GPC6: variants seen among roughly 807,000 people sequenced by gnomAD.
GPC6 encodes glypican 6.
GPC6 carries 14 observed loss-of-function variants against 55.2 expected under a neutral mutation model. The ratio of observed to expected loss-of-function variants is 0.25; its 90% CI spans 0.17 to 0.40. The LOEUF (loss-of-function observed/expected upper bound fraction) is 0.40. Ranked by LOEUF, GPC6 falls within the 10% of genes least tolerant of loss-of-function variation. The pLI is 1.00. For synonymous variants in GPC6, 278 were observed against 259.6 expected, an observed-to-expected ratio of 1.07 and a Z score of -0.68; for missense variants, 641 against 708.5, an observed-to-expected ratio of 0.90 and a Z score of 1.08.
chr13:93,570,316 T>C (rs1379042496), intron 2 of GPC6, among the ~76,000 whole-genome samples: 1 of 152,204 alleles, frequency 6.6e-6, no homozygotes, highest in East Asian at 1.9e-4. Context: ...TGGGTTGAAT[T>C]TAATTACTTA....
chr13:94,348,653 G>T (rs1031436914), intron 6 of GPC6, among the ~76,000 whole-genome samples: 3 of 152,158 alleles, frequency 2.0e-5, no homozygotes, highest in African/African-American at 4.8e-5. Flanking sequence ...AAGTGGTCTA[G>T]GATGGGGCTT....
intron 2 of GPC6, among the ~76,000 whole-genome samples, chr13:93,746,982 G>T (rs1005091774): frequency 6.6e-6 from 1 of 152,148 alleles, no homozygotes; most frequent in Non-Finnish European, 1.5e-5. Context: ...ATGTTCAAAG[G>T]CTTTTAATAA....
intron 1 of GPC6, among the ~76,000 whole-genome samples, chr13:93,250,766 C>T (rs558088475): frequency 6.2e-4 from 95 of 152,332 alleles, no homozygotes; most frequent in African/African-American, 2.2e-3. Context: ...TTGGGCCCCA[C>T]ATCCTGCTTC....
At chr13:93,993,297 T>TTC (rs1190496566) in intron 3 of GPC6, among the ~76,000 whole-genome samples, 2 of 147,002 alleles carry the variant, frequency 1.4e-5, no homozygotes, top group East Asian at 2.0e-4. Flanking sequence ...CTTTCTTTCT[T>TTC]TTTTTTTTTT....
intron 1 of GPC6, among the ~76,000 whole-genome samples, chr13:93,393,868 A>T: frequency 6.6e-6 from 1 of 151,096 alleles, no homozygotes; most frequent in Non-Finnish European, 1.5e-5. Flanking sequence ...GTCAACATTA[A>T]TTTTTTTTTT....
intron 2 of GPC6, among the ~76,000 whole-genome samples, chr13:93,573,341 C>T (rs1876501018): frequency 6.6e-6 from 1 of 152,062 alleles, no homozygotes; most frequent in South Asian, 2.1e-4. Context: ...TGTAAAGTCA[C>T]ATGAGACAGG....
intron 4 of GPC6, among the ~76,000 whole-genome samples, chr13:94,175,794 ATATT>A (rs1888727967): frequency 1.3e-5 from 2 of 149,114 alleles, no homozygotes; most frequent in South Asian, 4.2e-4. Flanking sequence ...ATATATACAT[ATATT>A]TAAAGTTATA....
intron 4 of GPC6, among the ~76,000 whole-genome samples, chr13:94,102,501 CCCT>C (rs1049607795): frequency 6.6e-6 from 1 of 151,584 alleles, no homozygotes; most frequent in Non-Finnish European, 1.5e-5. Flanking sequence ...TGTTTTCTGA[CCCT>C]TTTTTTTTTT....
At chr13:94,251,489 A>G (rs1056249897) in intron 4 of GPC6, among the ~76,000 whole-genome samples, 2 of 150,970 alleles carry the variant, frequency 1.3e-5, no homozygotes, top group African/African-American at 4.9e-5. Context: ...CGGACTGGTT[A>G]GTTTGCCAGC....
intron 3 of GPC6, among the ~76,000 whole-genome samples, chr13:93,992,102 G>C (rs1164154248): frequency 6.7e-6 from 1 of 150,302 alleles, no homozygotes; most frequent in African/African-American, 2.4e-5. Context: ...TATATGTATA[G>C]TTTATATGTG....
At chr13:94,387,730 T>TTCTCTC (rs3044333) in intron 7 of GPC6, among the ~76,000 whole-genome samples, 17,570 of 141,052 alleles carry the variant, frequency 0.12, 1,198 homozygotes, top group East Asian at 0.17. Context: ...AGACATGAGT[T>TTCTCTC]TCTCTCTCTC....
At chr13:93,282,689 C>G (rs1191481676) in intron 1 of GPC6, among the ~76,000 whole-genome samples, 1 of 151,614 alleles carries the variant, frequency 6.6e-6, no homozygotes, top group East Asian at 1.9e-4. Context: ...ACAGAAAAAT[C>G]ACTGCCATCA....
chr13:93,824,952 C>A lies in GPC6; in HGVS notation c.320-5202C>A, dbSNP rs140520022. 3.9e-3 allele frequency among the ~76,000 whole-genome samples: 596 copies of A among 152,208 alleles called. 5 individuals are homozygous for A. The highest frequency in any genetic ancestry group is 0.014 in the African/African-American group (564 of 41,510). ...AATGGGAGTATTGACTACCGAGAAT[C>A]TTACTGTGAATACAATCTGTATTTC... On this transcript the variant is annotated intron_variant, in intron 2 of 8. Transcript: ENST00000377047.
chr13:93,524,738 G>T (rs1287298996), intron 1 of GPC6, among the ~76,000 whole-genome samples: 3 of 152,070 alleles, frequency 2.0e-5, no homozygotes, highest in African/African-American at 7.2e-5. Flanking sequence ...TCAGCTACAT[G>T]TGCTTTCTGT....
intron 2 of GPC6, among the ~76,000 whole-genome samples, chr13:93,790,134 A>G (rs1454791075): frequency 6.6e-6 from 1 of 152,168 alleles, no homozygotes; most frequent in Non-Finnish European, 1.5e-5. Flanking sequence ...ATCACTGGGC[A>G]TTTGAACAAA....
chr13:93,312,943 A>G (rs1396655214), intron 1 of GPC6, among the ~76,000 whole-genome samples: 6 of 152,224 alleles, frequency 3.9e-5, no homozygotes, highest in Non-Finnish European at 7.3e-5. Flanking sequence ...AATCTATTCT[A>G]TAATGGCATT....
intron 1 of GPC6, among the ~76,000 whole-genome samples, chr13:93,450,259 C>T (rs1878175680): frequency 6.6e-6 from 1 of 152,180 alleles, no homozygotes; most frequent in South Asian, 2.1e-4. Flanking sequence ...AAAAAGTTAA[C>T]AATTCCAGGG....
chr13:94,081,150 G>A (rs1012333620), intron 4 of GPC6, among the ~76,000 whole-genome samples: 1 of 152,134 alleles, frequency 6.6e-6, no homozygotes, highest in African/African-American at 2.4e-5. Flanking sequence ...ACTAATGCTG[G>A]CTAGCTCTAA....
intron 2 of GPC6, among the ~76,000 whole-genome samples, chr13:93,564,162 T>G (rs1044864745): frequency 2.6e-5 from 4 of 152,152 alleles, no homozygotes; most frequent in Non-Finnish European, 5.9e-5. Flanking sequence ...AGACTAAGGA[T>G]GAAATAGTTA....
Sources: gnomAD v4.1 joint callset for allele counts (sites outside exome capture counted in the v4.1 genomes callset) on GRCh38, gnomAD v4.1.1 for gene constraint, MANE v1.5 for transcripts, NCBI Gene and HGNC (gene_info 2026-07-23, HGNC 2026-07-21) for gene names.